The following ABRAXAS2 variants were observed in gnomAD, a reference collection of about 807,000 sequenced individuals.
ABRAXAS2 encodes the protein abraxas 2, BRISC complex subunit.
In ABRAXAS2, 23 loss-of-function variants were observed where a neutral mutation model predicts 49.0. That is an observed-to-expected ratio of 0.47 (90% CI 0.34 to 0.66). The LOEUF (loss-of-function observed/expected upper bound fraction) is 0.66, where lower values mean the gene tolerates loss of function less well. Among genes scored for constraint, ABRAXAS2 ranks in the 30% least tolerant of loss-of-function variants. ABRAXAS2 has a pLI of 0.01. For missense variants in ABRAXAS2, 443 were observed against 511.9 expected, an observed-to-expected ratio of 0.87 and a Z score of 1.30; for synonymous variants, 168 against 180.2, an observed-to-expected ratio of 0.93 and a Z score of 0.54.
intron 3 of ABRAXAS2, among the ~76,000 whole-genome samples, chr10:124,818,023 T>A (rs1950836253): frequency 1.3e-5 from 2 of 152,152 alleles, no homozygotes; most frequent in South Asian, 4.1e-4. Context: ...TCTCTAGGTG[T>A]ACCCTGCCTC....
chr10:124,821,941 G>A (rs997951378), intron 4 of ABRAXAS2, among the ~76,000 whole-genome samples: 2 of 152,210 alleles, frequency 1.3e-5, no homozygotes, highest in African/African-American at 2.4e-5. Flanking sequence ...CGCTTCACGT[G>A]TATTGATACA....
intron 2 of ABRAXAS2, among the ~76,000 whole-genome samples, chr10:124,811,968 G>A (rs1950792315): frequency 6.6e-6 from 1 of 152,024 alleles, no homozygotes; most frequent in African/African-American, 2.4e-5. Context: ...GGAGAGACGG[G>A]GTTTCTCCAT....
intron 8 of ABRAXAS2, among the ~76,000 whole-genome samples, chr10:124,832,182 C>T (rs1282112648): frequency 6.6e-6 from 1 of 151,922 alleles, no homozygotes; most frequent in East Asian, 1.9e-4. Flanking sequence ...AATATAGCCT[C>T]ATAGAGGAGC....
At chr10:124,815,469 C>T (rs896426286) in intron 2 of ABRAXAS2, among the ~76,000 whole-genome samples, 4 of 152,228 alleles carry the variant, frequency 2.6e-5, no homozygotes, top group Non-Finnish European at 5.9e-5. Flanking sequence ...GCTGGGACTA[C>T]AGGCGTGAGC....
Position 124,834,618 on chromosome 10 carries a change from G to T in ABRAXAS2, c.895G>T (p.Ala299Ser). ...TGAAGGCAGAAGTACACTTGGAGAT[G>T]CAGAGGCCTCGGATCCTCCTCCCCC... ...AAEGRSTLGDAEASDPPPPYS... is the reference protein window; with the variant it reads ...AAEGRSTLGDSEASDPPPPYS... Residue 299 changes from alanine (A) to serine (S), a missense_variant, in exon 9 of 9, where the codon GCA becomes TCA. By Grantham distance (99) the Ala-to-Ser change is moderately conservative (BLOSUM62 1). This residue lies in a region of ABRAXAS2 where 230 missense variants were observed against 237.0 expected (regional missense o/e 0.97). Coordinates refer to ENST00000298492, the MANE Select transcript of ABRAXAS2 (RefSeq NM_032182.4). 6.2e-7 allele frequency: 1 copy of T among 1,614,170 alleles called. No homozygotes were observed. Among genetic ancestry groups the T allele is most frequent in the Non-Finnish European group, 8.5e-7 (1 of 1,180,024 alleles).
rs749280768 is a variant in ABRAXAS2 at position 124,835,130 on chromosome 10, G to C, written c.*159G>C. The C allele has an allele frequency of 2.1e-5, 12 of 576,470 alleles. No homozygotes were observed. The highest frequency in any genetic ancestry group is 3.0e-5 in the Non-Finnish European group (10 of 330,608). The allele number at this position is 576,470 out of a possible 1,614,324, so 35.7% of individuals were successfully genotyped here. A position where few individuals can be genotyped will look rare whatever the true frequency, so the allele number is the denominator to read the frequency against. ...GAACTTGTGGGAGCCTCCATCCGCT[G>C]CTCTTTACCTTTGGATACAGTGTGC... On this transcript the variant is annotated 3_prime_UTR_variant, in exon 9 of 9. Coordinates refer to ENST00000298492, the MANE Select transcript of ABRAXAS2 (RefSeq NM_032182.4).
intron 1 of ABRAXAS2, among the ~76,000 whole-genome samples, chr10:124,803,733 C>T (rs1041158431): frequency 1.8e-4 from 27 of 152,110 alleles, no homozygotes; most frequent in African/African-American, 6.0e-4. Flanking sequence ...GAAACCCCGT[C>T]TCTACTGAAA....
At chr10:124,818,468 T>G (rs1950839571) in intron 3 of ABRAXAS2, among the ~76,000 whole-genome samples, 1 of 152,042 alleles carries the variant, frequency 6.6e-6, no homozygotes. Flanking sequence ...CATCTGTCTA[T>G]TCCAAACTCC....
Position 124,835,033 on chromosome 10 carries a change from T to C in ABRAXAS2, c.*62T>C. ...CTTCATTGCTTACTGAGAGGGTTTT[T>C]GAGAACTTAATCTGGGGGGAGAACT... On this transcript the variant is annotated 3_prime_UTR_variant, in exon 9 of 9. Coordinates refer to ENST00000298492, the MANE Select transcript of ABRAXAS2 (RefSeq NM_032182.4). 2 of 1,330,926 alleles carry C rather than the reference T, an allele frequency of 1.5e-6. No individual in the cohort carries two copies. The highest frequency in any genetic ancestry group is 2.1e-6 in the Non-Finnish European group (2 of 970,554). The allele number at this position is 1,330,926 out of a possible 1,614,324, so 82.4% of individuals were successfully genotyped here. A position where few individuals can be genotyped will look rare whatever the true frequency, so the allele number is the denominator to read the frequency against.
chr10:124,831,526 T>C, intron 8 of ABRAXAS2, 63 bp downstream of exon 8: 1 of 853,896 alleles, frequency 1.2e-6, no homozygotes, highest in Non-Finnish European at 1.9e-6. Context: ...CATCAGATTA[T>C]ACTATACAAT....
In ABRAXAS2 at chr10:124,829,852, C is replaced by G. The variant is rs17152284; in HGVS notation, c.663+375C>G. On this transcript the variant is annotated intron_variant, in intron 7 of 8. Transcript: ENST00000298492. ...CTGGTTGCATCTCTGCTTCTTCATC[C>G]TAGTTCACTCACTTTGCCCCCAGCT... is the stretch of plus-strand genomic sequence containing the variant. 2.4e-3 allele frequency among the ~76,000 whole-genome samples: 368 copies of G among 152,308 alleles called. 4 individuals carry two copies. The highest frequency in any genetic ancestry group is 8.5e-3 in the African/African-American group (354 of 41,564).
At chr10:124,802,423 A>G (rs945198457) in intron 1 of ABRAXAS2, among the ~76,000 whole-genome samples, 3 of 152,204 alleles carry the variant, frequency 2.0e-5, no homozygotes, top group Admixed American at 6.5e-5. Flanking sequence ...GCCCTGATGC[A>G]AAATGGAGAA....
rs375540899 is a variant in ABRAXAS2, at chr10:124,810,018, G to T, written c.163+3097G>T. On this transcript the variant is annotated intron_variant, in intron 2 of 8. Coordinates refer to ENST00000298492, the MANE Select transcript of ABRAXAS2 (RefSeq NM_032182.4). ...TCCGCCCACCTTGGCCTCCCAAAGT[G>T]CTGCGATTGCAGGCATGAGTCACCA... Among the ~76,000 whole-genome samples, 114 of 152,316 alleles carry T rather than the reference G, an allele frequency of 7.5e-4. 3 individuals carry two copies. The South Asian group carries it at 0.023, about 31-fold the overall frequency.
At position 124,822,430 on chromosome 10, in the gene ABRAXAS2, G is replaced by T. The variant is rs375841004; in HGVS notation, c.267+2980G>T. Reference sequence around the variant, plus strand: ...GTGCAGGTATCTATTGATGAAGGAAGAATTTATTTGATAAGGTTTTTTTTT... The same window carrying T: ...GTGCAGGTATCTATTGATGAAGGAATAATTTATTTGATAAGGTTTTTTTTT... On this transcript the variant is annotated intron_variant, in intron 4 of 8. Coordinates refer to ENST00000298492, the MANE Select transcript of ABRAXAS2 (RefSeq NM_032182.4). Among the ~76,000 whole-genome samples, 16 of 152,120 alleles carry T rather than the reference G, an allele frequency of 1.1e-4. No individual in the cohort carries two copies. In the East Asian group the frequency reaches 2.3e-3, roughly 22 times the overall value.
chr10:124,801,873 T>A lies in ABRAXAS2; in HGVS notation c.44T>A (p.Phe15Tyr). The change falls in exon 1 of 9, where the codon TTC (phenylalanine) becomes TAC (tyrosine). Residue 15 changes from phenylalanine (F) to tyrosine (Y), a missense_variant. This residue lies in a region of ABRAXAS2 where 47 missense variants were observed against 27.6 expected (regional missense o/e 1.70). Transcript: ENST00000298492. ...GGCTACACCTTCAGTGCTGTGTGTT[T>A]CCACAGCGCCAACAGCAACGCGGAC... ...ISGYTFSAVC[F>Y]HSANSNADHE... 6.2e-7 allele frequency: 1 copy of A among 1,613,246 alleles called. No homozygotes were observed. Among genetic ancestry groups the A allele is most frequent in the African/African-American group, 1.3e-5 (1 of 74,992 alleles).
intron 4 of ABRAXAS2, among the ~76,000 whole-genome samples, chr10:124,823,637 G>A (rs1950876703): frequency 6.6e-6 from 1 of 152,234 alleles, no homozygotes; most frequent in Non-Finnish European, 1.5e-5. Context: ...GCCTAGCATA[G>A]AGAATAGTCT....
intron 7 of ABRAXAS2, among the ~76,000 whole-genome samples, chr10:124,830,888 A>G (rs1412570749): frequency 6.6e-6 from 1 of 152,248 alleles, no homozygotes; most frequent in Non-Finnish European, 1.5e-5. Context: ...GCTATCTTTT[A>G]TTAAACCTTG....
chr10:124,819,247 CT>C, intron 3 of ABRAXAS2, 136 bp from the exon 4 acceptor site: 1 of 577,830 alleles, frequency 1.7e-6, no homozygotes, highest in Non-Finnish European at 3.1e-6. Context: ...GGACTGATTT[CT>C]CTTTATTCAC....
intron 6 of ABRAXAS2, 48 bp from the exon 7 acceptor site, chr10:124,829,345 C>T (rs1950916144): frequency 7.8e-7 from 1 of 1,282,210 alleles, no homozygotes; most frequent in East Asian, 2.3e-5. Context: ...TTCCATTTCA[C>T]CGCAGTTATG....
Sources: allele counts gnomAD v4.1 joint callset (sites outside exome capture counted in the v4.1 genomes callset), GRCh38; gene constraint gnomAD v4.1.1; regional missense constraint gnomAD v4.1.1; transcripts MANE v1.5; gene names NCBI Gene and HGNC (gene_info 2026-07-23, HGNC 2026-07-21).